Variants in SLC35F3 observed in about 807,000 individuals in gnomAD.
SLC35F3 encodes the protein putative thiamine transporter SLC35F3.
SLC35F3 carries 25 observed loss-of-function variants against 49.9 expected under a neutral mutation model. The observed-to-expected ratio is 0.50, with a 90% CI of 0.37 to 0.70. SLC35F3 has a LOEUF of 0.70. Ranked by LOEUF, SLC35F3 falls within the 30% of genes least tolerant of loss-of-function variation. The pLI is 0.00. For synonymous variants in SLC35F3, 275 were observed against 265.4 expected (o/e 1.04, Z -0.35); for missense variants, 525 against 639.8 (o/e 0.82, Z 1.94).
At chr1:234,104,925 T>C (rs954555827) in intron 2 of SLC35F3, among the ~76,000 whole-genome samples, 5 of 152,056 alleles carry the variant, frequency 3.3e-5, no homozygotes, top group African/African-American at 4.8e-5. Flanking sequence ...GGTCAGGTGT[T>C]TGAGACCAGC....
chr1:234,309,015 T>TTAAAAA, intron 3 of SLC35F3, 86 bp from the exon 4 acceptor site: 1 of 951,494 alleles, frequency 1.1e-6, no homozygotes, highest in Non-Finnish European at 1.5e-6. Context: ...TATATTTGCT[T>TTAAAAA]AAAAAAAAAA....
intron 2 of SLC35F3, among the ~76,000 whole-genome samples, chr1:234,167,819 G>A (rs1358155537): frequency 2.0e-4 from 31 of 152,250 alleles, no homozygotes; most frequent in Middle Eastern, 3.4e-3. Context: ...GGTGAGGTGC[G>A]CTGAGGCTAA....
At chr1:234,135,719 G>C (rs1205820371) in intron 2 of SLC35F3, among the ~76,000 whole-genome samples, 1 of 152,222 alleles carries the variant, frequency 6.6e-6, no homozygotes, top group Non-Finnish European at 1.5e-5. Flanking sequence ...ACTGAAGCTG[G>C]TCACATAAGC....
intron 2 of SLC35F3, among the ~76,000 whole-genome samples, chr1:234,037,778 G>A (rs1487691588): frequency 6.6e-6 from 1 of 152,136 alleles, no homozygotes; most frequent in African/African-American, 2.4e-5. Context: ...TCCAAACATG[G>A]GCAACTTCAG....
intron 2 of SLC35F3, among the ~76,000 whole-genome samples, chr1:234,118,872 CT>C (rs1558234520): frequency 1.3e-5 from 2 of 148,734 alleles, no homozygotes; most frequent in South Asian, 2.2e-4. Context: ...TTATTTTTTT[CT>C]TTTTTTCTTT....
chr1:233,956,272 C>T (rs1302517485), intron 2 of SLC35F3, among the ~76,000 whole-genome samples: 1 of 152,088 alleles, frequency 6.6e-6, no homozygotes, highest in African/African-American at 2.4e-5. Flanking sequence ...AGTCCATATT[C>T]TAAAGAAAGT....
chr1:234,094,724 A>G (rs1277491605), intron 2 of SLC35F3, among the ~76,000 whole-genome samples: 1 of 151,984 alleles, frequency 6.6e-6, no homozygotes. Context: ...GGGCGCTTTT[A>G]TGAGGCATGA....
chr1:234,022,938 A>T (rs763696828), intron 2 of SLC35F3, among the ~76,000 whole-genome samples: 2 of 152,198 alleles, frequency 1.3e-5, no homozygotes, highest in Non-Finnish European at 2.9e-5. Flanking sequence ...GGTTCAGTCT[A>T]TTAGAGGTGT....
intron 3 of SLC35F3, among the ~76,000 whole-genome samples, chr1:234,300,385 A>AT (rs1396970447): frequency 6.6e-6 from 1 of 152,190 alleles, no homozygotes. Flanking sequence ...GCTCCCTGGG[A>AT]TTTTTTAAGA....
chr1:234,182,351 A>G (rs1666570854), intron 2 of SLC35F3, among the ~76,000 whole-genome samples: 2 of 152,160 alleles, frequency 1.3e-5, no homozygotes, highest in Non-Finnish European at 2.9e-5. Context: ...CATCTTGCAC[A>G]TTTATTACTC....
At chr1:234,209,758 C>A (rs1472371680) in intron 2 of SLC35F3, among the ~76,000 whole-genome samples, 2 of 151,858 alleles carry the variant, frequency 1.3e-5, no homozygotes, top group Non-Finnish European at 2.9e-5. Flanking sequence ...ATTAGTAACT[C>A]CTCTTCGGCA....
intron 2 of SLC35F3, among the ~76,000 whole-genome samples, chr1:233,990,995 G>A (rs764271952): frequency 6.6e-6 from 1 of 152,178 alleles, no homozygotes; most frequent in Admixed American, 6.5e-5. Flanking sequence ...TTTCAGAAGT[G>A]AGCATTGTGA....
chr1:234,205,385 C>T (rs1176003171), intron 2 of SLC35F3, among the ~76,000 whole-genome samples: 3 of 152,188 alleles, frequency 2.0e-5, no homozygotes, highest in Non-Finnish European at 2.9e-5. Flanking sequence ...TGCTTGAACC[C>T]GAGAGGCAGA....
At chr1:234,234,914 A>AAGTACTGTGTTGTGAT (rs1162223379) in intron 3 of SLC35F3, among the ~76,000 whole-genome samples, 1 of 152,198 alleles carries the variant, frequency 6.6e-6, no homozygotes, top group East Asian at 1.9e-4. Flanking sequence ...CGCGAGGAAC[A>AAGTACTGTGTTGTGAT]AGTACTGTGT....
At position 234,313,590 on chromosome 1, in the gene SLC35F3, G is replaced by A. The variant is rs1458898211; in HGVS notation, c.829-3012G>A. Among the ~76,000 whole-genome samples, 6 of 152,120 alleles carry A rather than the reference G, an allele frequency of 3.9e-5. No homozygotes were observed. In the East Asian group the frequency reaches 5.8e-4, roughly 15 times the overall value. On this transcript the variant is annotated intron_variant, in intron 4 of 7. Coordinates refer to ENST00000366618, the MANE Select transcript of SLC35F3 (RefSeq NM_173508.4). Reference sequence around the variant, plus strand: ...TCAGTCTTTGTTTCAGGATTGTTCCGTGGGGAGCATTGAGGGCTGGGGGGG... The same window carrying A: ...TCAGTCTTTGTTTCAGGATTGTTCCATGGGGAGCATTGAGGGCTGGGGGGG...
intron 7 of SLC35F3, among the ~76,000 whole-genome samples, chr1:234,321,106 G>T (rs959338111): frequency 6.7e-6 from 1 of 149,318 alleles, no homozygotes; most frequent in African/African-American, 2.4e-5. Flanking sequence ...ATGCCTGCAG[G>T]CACCCCAATT....
chr1:234,067,604 A>C (rs1409482744), intron 2 of SLC35F3, among the ~76,000 whole-genome samples: 2 of 152,150 alleles, frequency 1.3e-5, no homozygotes, highest in Non-Finnish European at 2.9e-5. Flanking sequence ...CCCTGAGACT[A>C]CCTGGCGAAG....
At chr1:233,936,106 A>C (rs1228572527) in intron 2 of SLC35F3, among the ~76,000 whole-genome samples, 2 of 152,162 alleles carry the variant, frequency 1.3e-5, no homozygotes, top group African/African-American at 2.4e-5. Flanking sequence ...AGTGTTAACT[A>C]TGTATTTGTT....
chr1:234,291,938 T>A (rs1261886480), intron 3 of SLC35F3, among the ~76,000 whole-genome samples: 2 of 152,020 alleles, frequency 1.3e-5, no homozygotes, highest in African/African-American at 2.4e-5. Flanking sequence ...GGGATGAGAG[T>A]AACGGGATCA....
Sources: allele counts gnomAD v4.1 joint callset (sites outside exome capture counted in the v4.1 genomes callset), GRCh38; gene constraint gnomAD v4.1.1; transcripts MANE v1.5; gene names NCBI Gene and HGNC (gene_info 2026-07-23, HGNC 2026-07-21).